Variants in CCDC149 observed in about 807,000 individuals in gnomAD.
CCDC149 encodes the protein coiled-coil domain containing 149, also known as coiled-coil domain-containing protein 149.
Under a neutral mutation model 59.9 loss-of-function variants are expected in CCDC149, and 45 were observed. The observed-to-expected ratio is 0.75, with a 90% CI of 0.59 to 0.96. The LOEUF (loss-of-function observed/expected upper bound fraction) is 0.96. Among genes scored for constraint, CCDC149 ranks in the 40% least tolerant of loss-of-function variants. The pLI is 0.00. For synonymous variants in CCDC149, 245 were observed against 260.6 expected, an observed-to-expected ratio of 0.94 and a Z score of 0.58; for missense variants, 584 against 664.7, an observed-to-expected ratio of 0.88 and a Z score of 1.33.
chr4:24,814,502 C>A (rs1161481595), intron 12 of CCDC149, among the ~76,000 whole-genome samples: 2 of 152,214 alleles, frequency 1.3e-5, no homozygotes, highest in Non-Finnish European at 2.9e-5. Context: ...TAAAGCTTCG[C>A]TACCCAAAGT....
intron 1 of CCDC149, among the ~76,000 whole-genome samples, chr4:24,893,323 T>C (rs1206304236): frequency 6.6e-6 from 1 of 152,158 alleles, no homozygotes; most frequent in African/African-American, 2.4e-5. Context: ...TGTATTGCAC[T>C]TCAGAAAAAT....
intron 9 of CCDC149, chr4:24,827,014 G>C (rs1715793357): frequency 1.3e-5 from 2 of 152,110 alleles, no homozygotes; most frequent in Admixed American, 1.3e-4. Context: ...GGTTGCTTTG[G>C]GGGAGATTTC....
At chr4:24,825,149 G>C (rs1305938271) in intron 9 of CCDC149, among the ~76,000 whole-genome samples, 2 of 152,186 alleles carry the variant, frequency 1.3e-5, no homozygotes, top group Non-Finnish European at 2.9e-5. Context: ...GCTCTGTAAA[G>C]CACTATGCTA....
intron 1 of CCDC149, among the ~76,000 whole-genome samples, chr4:24,963,979 G>A (rs898486498): frequency 8.5e-5 from 13 of 152,196 alleles, no homozygotes; most frequent in Non-Finnish European, 1.3e-4. Context: ...AGGATGGCTT[G>A]AGCCTAGGAG....
At chr4:24,906,369 T>TATTGTATTTTTTA (rs1721512504) in intron 1 of CCDC149, among the ~76,000 whole-genome samples, 6 of 23,826 alleles carry the variant, frequency 2.5e-4, no homozygotes, top group Non-Finnish European at 9.3e-4. Flanking sequence ...GAACAAATTT[T>TATTGTATTTTTTA]ATTTTATTTT....
intron 3 of CCDC149, among the ~76,000 whole-genome samples, chr4:24,869,993 T>C (rs534989511): frequency 3.3e-5 from 5 of 152,354 alleles, no homozygotes; most frequent in Admixed American, 1.3e-4. Flanking sequence ...GAGGACTTAT[T>C]TTCCATGGCT....
chr4:24,913,960 A>G (rs929424170), upstream of CCDC149, among the ~76,000 whole-genome samples: 32 of 152,222 alleles, frequency 2.1e-4, no homozygotes, highest in Non-Finnish European at 4.1e-4. Context: ...ATCAATAGTG[A>G]GCCCTCTGTA....
At chr4:24,964,262 G>A (rs558294896) in intron 1 of CCDC149, among the ~76,000 whole-genome samples, 1 of 147,504 alleles carries the variant, frequency 6.8e-6, no homozygotes, top group East Asian at 2.0e-4. Flanking sequence ...AAAATAAAAA[G>A]TCCACTGTAT....
chr4:24,979,536 T>C (rs751320194), intron 1 of CCDC149, among the ~76,000 whole-genome samples: 1 of 152,362 alleles, frequency 6.6e-6, no homozygotes, highest in East Asian at 1.9e-4. Flanking sequence ...ATATTCCATA[T>C]GCTATTTAAA....
intron 4 of CCDC149, among the ~76,000 whole-genome samples, chr4:24,848,473 G>A (rs916954441): frequency 6.6e-6 from 1 of 152,124 alleles, no homozygotes; most frequent in African/African-American, 2.4e-5. Context: ...GGAGGCTGAG[G>A]CAGGAGAATC....
intron 1 of CCDC149, among the ~76,000 whole-genome samples, chr4:24,897,987 TGA>T (rs538544405): frequency 3.9e-5 from 6 of 152,166 alleles, no homozygotes; most frequent in Non-Finnish European, 5.9e-5. Flanking sequence ...AACTGGCTAG[TGA>T]GAGAGAGTCC....
intron 3 of CCDC149, among the ~76,000 whole-genome samples, chr4:24,864,646 T>C (rs1423871713): frequency 6.6e-6 from 1 of 152,244 alleles, no homozygotes; most frequent in Non-Finnish European, 1.5e-5. Flanking sequence ...ATTAAACTCT[T>C]TCTCTATTGC....
At chr4:24,870,932 C>T (rs1451405724) in intron 3 of CCDC149, among the ~76,000 whole-genome samples, 1 of 150,928 alleles carries the variant, frequency 6.6e-6, no homozygotes, top group Non-Finnish European at 1.5e-5. Flanking sequence ...GTAGTCCCAG[C>T]AACTCGGGGG....
At chr4:24,842,531 C>A (rs1022150519) in intron 4 of CCDC149, among the ~76,000 whole-genome samples, 1 of 152,204 alleles carries the variant, frequency 6.6e-6, no homozygotes, top group Non-Finnish European at 1.5e-5. Context: ...CAGTGCCTTG[C>A]ACAGCACCCG....
chr4:24,891,222 A>G (rs1720512401), intron 1 of CCDC149, among the ~76,000 whole-genome samples: 1 of 152,176 alleles, frequency 6.6e-6, no homozygotes, highest in African/African-American at 2.4e-5. Context: ...TCAGGCGGAG[A>G]TTTATTCTGG....
intron 12 of CCDC149, among the ~76,000 whole-genome samples, chr4:24,812,148 C>T (rs1483127234): frequency 6.6e-6 from 1 of 152,178 alleles, no homozygotes; most frequent in African/African-American, 2.4e-5. Flanking sequence ...TCTCAAGATC[C>T]ATAAATCAAT....
In CCDC149 at chr4:24,905,196, G is replaced by A. The variant is rs1047750173; in HGVS notation, c.63+7621C>T. Among the ~76,000 whole-genome samples, 11 of 151,892 alleles carry A rather than the reference G, an allele frequency of 7.2e-5. No homozygotes were observed. In the South Asian group the frequency reaches 2.1e-3, roughly 29 times the overall value. On this transcript the variant is annotated intron_variant, in intron 1 of 12. Coordinates refer to ENST00000635206, the MANE Select transcript of CCDC149 (RefSeq NM_001330643.2). ...TTACAGGAGTGAGCCACCGCACCCG[G>A]CCTTTCTTCTTACTGAGTAGTGAGA...
chr4:24,880,378 T>C (rs1719767266), intron 1 of CCDC149, among the ~76,000 whole-genome samples: 1 of 152,240 alleles, frequency 6.6e-6, no homozygotes, highest in Admixed American at 6.5e-5. Context: ...CGAAATCGCC[T>C]AGCGGCACAC....
chr4:24,913,418 A>G (rs570593060), upstream of CCDC149, among the ~76,000 whole-genome samples: 2 of 152,362 alleles, frequency 1.3e-5, no homozygotes, highest in Non-Finnish European at 2.9e-5. Context: ...GATGCTCTAC[A>G]TATATTTATT....
Sources: gnomAD v4.1 joint callset for allele counts (sites outside exome capture counted in the v4.1 genomes callset) on GRCh38, gnomAD v4.1.1 for gene constraint, MANE v1.5 for transcripts, NCBI Gene and HGNC (gene_info 2026-07-23, HGNC 2026-07-21) for gene names.